The following DCAF8L2 variants were observed in gnomAD, a reference collection of about 807,000 sequenced individuals.
The protein encoded by DCAF8L2 is DDB1 and CUL4 associated factor 8 like 2, also known as DDB1- and CUL4-associated factor 8-like protein 2.
For synonymous variants in DCAF8L2, 200 were observed against 190.9 expected (o/e 1.05, Z -0.39); for missense variants, 430 against 490.7 (o/e 0.88, Z 1.17).
At chrX:27,500,131 C>A in the DCAF8L2 span, among the ~76,000 whole-genome samples, 3,697 of 111,314 alleles carry the variant, frequency 0.033, 149 homozygotes, top group African/African-American at 0.11. Flanking sequence ...GTAAAGGGAC[C>A]ATAGGATGTC....
intron 1 of DCAF8L2, among the ~76,000 whole-genome samples, chrX:27,631,259 G>A (rs1188229694): frequency 9.0e-6 from 1 of 111,423 alleles, no homozygotes; most frequent in Non-Finnish European, 1.9e-5. Context: ...CATAATAAAG[G>A]TCATAGATGA....
At chrX:27,519,143 G>T in the DCAF8L2 span, 1 of 1,143,596 alleles carries the variant, frequency 8.7e-7, no homozygotes, top group Non-Finnish European at 1.2e-6. Flanking sequence ...AAGAAGAAAA[G>T]AGAAATAGCA....
At chrX:27,511,111 A>C in the DCAF8L2 span, among the ~76,000 whole-genome samples, 1 of 111,034 alleles carries the variant, frequency 9.0e-6, no homozygotes, top group African/African-American at 3.3e-5. Flanking sequence ...AAAGCTGTAC[A>C]AGTTTCTGCT....
chrX:27,592,161 G>T (rs7060091), intron 1 of DCAF8L2, among the ~76,000 whole-genome samples: 13,454 of 111,820 alleles, frequency 0.12, 1,726 homozygotes, highest in African/African-American at 0.38. Flanking sequence ...GCCCCGTCCA[G>T]GGCTGAGTGA....
chrX:27,536,446 A>C, the DCAF8L2 span, among the ~76,000 whole-genome samples: 1 of 112,304 alleles, frequency 8.9e-6, no homozygotes, highest in Admixed American at 9.4e-5. Flanking sequence ...CACTTACAGA[A>C]TCACCTCTAA....
chrX:27,498,415 C>G, the DCAF8L2 span, among the ~76,000 whole-genome samples: 1 of 112,238 alleles, frequency 8.9e-6, no homozygotes, highest in Admixed American at 9.5e-5. Flanking sequence ...CTTTTTTCAG[C>G]TTTGCTGAGG....
chrX:27,558,489 A>G, the DCAF8L2 span, among the ~76,000 whole-genome samples: 1 of 110,630 alleles, frequency 9.0e-6, no homozygotes, highest in Non-Finnish European at 1.9e-5. Context: ...ACAACTCCTG[A>G]TTCTACTTCT....
chrX:27,736,278 A>C (rs1305557351), intron 4 of DCAF8L2, among the ~76,000 whole-genome samples: 1 of 111,598 alleles, frequency 9.0e-6, no homozygotes, highest in Admixed American at 9.6e-5. Flanking sequence ...AATTCAGTAC[A>C]TCTCTTGAAT....
At chrX:27,716,909 G>A (rs868080527) in intron 4 of DCAF8L2, among the ~76,000 whole-genome samples, 22 of 111,201 alleles carry the variant, frequency 2.0e-4, no homozygotes, top group African/African-American at 7.2e-4. Context: ...ACAGGCTGCA[G>A]TGTGTGTTGT....
At chrX:27,497,505 T>TTCCTTCC in the DCAF8L2 span, among the ~76,000 whole-genome samples, 253 of 23,382 alleles carry the variant, frequency 0.011, no homozygotes, top group African/African-American at 0.028. Context: ...TTATTCTTTC[T>TTCCTTCC]TTCTTTCCTT....
intron 1 of DCAF8L2, among the ~76,000 whole-genome samples, chrX:27,600,405 CTTTG>C (rs754510007): frequency 2.1e-4 from 23 of 111,621 alleles, no homozygotes; most frequent in Non-Finnish European, 3.4e-4. Context: ...ACGTCTCAAA[CTTTG>C]TTTGAGTTTT....
chrX:27,692,883 C>T (rs1015976237), intron 3 of DCAF8L2, among the ~76,000 whole-genome samples: 4 of 110,593 alleles, frequency 3.6e-5, no homozygotes, highest in Non-Finnish European at 7.6e-5. Flanking sequence ...CTGGATAGTC[C>T]CCCATCAGCA....
At chrX:27,544,260 A>G in the DCAF8L2 span, among the ~76,000 whole-genome samples, 1 of 111,497 alleles carries the variant, frequency 9.0e-6, no homozygotes, top group African/African-American at 3.3e-5. Context: ...CTGTAACTTC[A>G]AGATGATAGA....
intron 3 of DCAF8L2, among the ~76,000 whole-genome samples, chrX:27,697,466 T>C (rs180702496): frequency 1.8e-5 from 2 of 111,316 alleles, no homozygotes; most frequent in Non-Finnish European, 3.8e-5. Flanking sequence ...TCAGTAAGTG[T>C]TCTTTGTGTT....
the DCAF8L2 span, among the ~76,000 whole-genome samples, chrX:27,469,632 A>G: frequency 8.9e-6 from 1 of 111,889 alleles, no homozygotes; most frequent in South Asian, 3.7e-4. Context: ...AGAAACAAAA[A>G]TTTCATGATA....
chrX:27,738,723 A>T (rs1921678823), intron 4 of DCAF8L2, among the ~76,000 whole-genome samples: 1 of 111,988 alleles, frequency 8.9e-6, no homozygotes, highest in Admixed American at 9.5e-5. Flanking sequence ...TCCAGGCAAC[A>T]AATCTCCATT....
At chrX:27,497,814 G>A in the DCAF8L2 span, among the ~76,000 whole-genome samples, 3 of 111,562 alleles carry the variant, frequency 2.7e-5, no homozygotes, top group Non-Finnish European at 5.6e-5. Flanking sequence ...TGATCTGCCC[G>A]CCTCGGCCTC....
At chrX:27,640,063 T>A in intron 2 of DCAF8L2, among the ~76,000 whole-genome samples, 1 of 111,571 alleles carries the variant, frequency 9.0e-6, no homozygotes, top group East Asian at 2.8e-4. Flanking sequence ...ATTAGGTATA[T>A]CTCCTAATGC....
At chrX:27,701,584 C>A (rs73532482) in intron 3 of DCAF8L2, among the ~76,000 whole-genome samples, 138 of 110,939 alleles carry the variant, frequency 1.2e-3, no homozygotes, top group African/African-American at 4.3e-3. Context: ...AATCAATAAA[C>A]ATGTGGAAAT....
Sources: allele counts gnomAD v4.1 joint callset (sites outside exome capture counted in the v4.1 genomes callset), GRCh38; gene constraint gnomAD v4.1.1; transcripts MANE v1.5; gene names NCBI Gene and HGNC (gene_info 2026-07-23, HGNC 2026-07-21).